Variants in BPTF observed in about 807,000 individuals in gnomAD.
BPTF encodes the protein nucleosome-remodeling factor subunit BPTF.
In BPTF, 18 loss-of-function variants were observed where a neutral mutation model predicts 292.5. The ratio of observed to expected loss-of-function variants is 0.06; its 90% CI spans 0.04 to 0.09. The LOEUF (loss-of-function observed/expected upper bound fraction) is 0.09. BPTF is among the 10% of genes least tolerant of loss of function. BPTF has a pLI of 1.00. For synonymous variants in BPTF, 1,225 were observed against 1,251.9 expected, an observed-to-expected ratio of 0.98 and a Z score of 0.45; for missense variants, 2,726 against 3,498.7, an observed-to-expected ratio of 0.78 and a Z score of 5.57.
intron 23 of BPTF, among the ~76,000 whole-genome samples, chr17:67,948,747 G>A (rs1027472934): frequency 6.6e-6 from 1 of 152,196 alleles, no homozygotes; most frequent in South Asian, 2.1e-4. Context: ...CAGCAGTTGG[G>A]GAGGCCAAGA....
intron 1 of BPTF, among the ~76,000 whole-genome samples, chr17:67,832,112 ACTCC>A (rs1226326671): frequency 4.6e-5 from 7 of 151,598 alleles, no homozygotes; most frequent in Non-Finnish European, 2.9e-5. Context: ...CTGGTCTCAA[ACTCC>A]TGACCTTGTG....
rs1599109317 is a variant in BPTF, at chr17:67,984,206, A to G, written c.*1918A>G. 1.3e-5 allele frequency: 2 copies of G among 152,600 alleles called. No homozygotes were observed. Among genetic ancestry groups the G allele is most frequent in the Non-Finnish European group, 2.9e-5 (2 of 68,044 alleles). 9.5% of individuals were successfully genotyped at this position (152,600 alleles called of 1,614,324 possible). A position where few individuals can be genotyped will look rare whatever the true frequency, so the allele number is the denominator to read the frequency against. On this transcript the variant is annotated 3_prime_UTR_variant, in exon 28 of 28. Coordinates refer to ENST00000306378, the MANE Select transcript of BPTF (RefSeq NM_182641.4). ...ATTTCTGTACTATTTATTCATATAT[A>G]TAAATATATATGGGCTTAATCATTT...
chr17:67,876,012 C>A (rs1555629596), intron 4 of BPTF, among the ~76,000 whole-genome samples: 1 of 152,108 alleles, frequency 6.6e-6, no homozygotes, highest in Non-Finnish European at 1.5e-5. Context: ...ATTTTATCAC[C>A]AGACCATAGT....
At chr17:67,921,391 T>C (rs2063428206) in intron 13 of BPTF, among the ~76,000 whole-genome samples, 1 of 151,628 alleles carries the variant, frequency 6.6e-6, no homozygotes, top group Non-Finnish European at 1.5e-5. Context: ...CCAGGTGTGG[T>C]GGTACACACG....
chr17:67,943,998 T>C lies in BPTF; in HGVS notation c.6478-152T>C, dbSNP rs76588593. 6.2e-3 allele frequency: 4,173 copies of C among 669,964 alleles called. 101 individuals are homozygous for C. The highest frequency in any genetic ancestry group is 0.056 in the African/African-American group (3,078 of 54,902). 41.5% of individuals were successfully genotyped at this position (669,964 alleles called of 1,614,324 possible). A position where few individuals can be genotyped will look rare whatever the true frequency, so the allele number is the denominator to read the frequency against. ...TCCTACTAAGCAACATAAATATTCT[T>C]ACTTTAGCTTATCTAAATTCCTGCT... is the stretch of plus-strand genomic sequence containing the variant. On this transcript the variant is annotated intron_variant, in intron 19 of 27. Coordinates refer to ENST00000306378, the MANE Select transcript of BPTF (RefSeq NM_182641.4).
intron 15 of BPTF, 122 bp downstream of exon 15, chr17:67,924,711 C>T: frequency 9.2e-7 from 1 of 1,084,074 alleles, no homozygotes; most frequent in Non-Finnish European, 1.4e-6. Flanking sequence ...AACATACATA[C>T]ATTTTTTAGC....
chr17:67,867,244 T>G (rs982818931), intron 3 of BPTF, among the ~76,000 whole-genome samples: 2 of 152,242 alleles, frequency 1.3e-5, no homozygotes, highest in African/African-American at 4.8e-5. Flanking sequence ...CATGTTAGTT[T>G]GTTTCTTTAA....
At chr17:67,868,227 G>GA (rs1322315599) in intron 3 of BPTF, among the ~76,000 whole-genome samples, 2 of 152,122 alleles carry the variant, frequency 1.3e-5, no homozygotes, top group Non-Finnish European at 2.9e-5. Flanking sequence ...TGTGAAAAAT[G>GA]AATCTCTCTC....
intron 1 of BPTF, among the ~76,000 whole-genome samples, chr17:67,835,533 G>A (rs763737582): frequency 2.6e-5 from 4 of 152,220 alleles, no homozygotes; most frequent in Non-Finnish European, 5.9e-5. Context: ...ATTTGTGTAT[G>A]TGATGGTATT....
chr17:67,844,070 C>CTT (rs35407119), intron 1 of BPTF, among the ~76,000 whole-genome samples: 11 of 94,352 alleles, frequency 1.2e-4, no homozygotes, highest in African/African-American at 2.2e-4. Context: ...CGGCCCCCGC[C>CTT]TTTTTTTTTT....
At chr17:67,850,197 A>AG (rs1163863807) in intron 1 of BPTF, among the ~76,000 whole-genome samples, 1 of 152,260 alleles carries the variant, frequency 6.6e-6, no homozygotes, top group Non-Finnish European at 1.5e-5. Context: ...ATTATATGCT[A>AG]GCCACTACTT....
At chr17:67,964,774 G>A (rs1178109851) in intron 25 of BPTF, among the ~76,000 whole-genome samples, 2 of 152,018 alleles carry the variant, frequency 1.3e-5, no homozygotes, top group East Asian at 3.9e-4. Context: ...GCCAAGGTGG[G>A]CGGATCACAA....
At chr17:67,872,846 CA>C (rs750395606) in intron 3 of BPTF, among the ~76,000 whole-genome samples, 73 of 152,190 alleles carry the variant, frequency 4.8e-4, no homozygotes, top group Non-Finnish European at 7.2e-4. Flanking sequence ...CCTGTAACCC[CA>C]GTGCTTTGGT....
intron 2 of BPTF, among the ~76,000 whole-genome samples, chr17:67,862,599 G>A (rs1048056811): frequency 6.6e-6 from 1 of 152,054 alleles, no homozygotes; most frequent in Non-Finnish European, 1.5e-5. Flanking sequence ...AAGAGCTTAG[G>A]ACCTAGCTTT....
chr17:67,976,704 A>AT (rs1568232623), intron 27 of BPTF, among the ~76,000 whole-genome samples: 6 of 139,764 alleles, frequency 4.3e-5, no homozygotes, highest in East Asian at 2.3e-4. Flanking sequence ...AAAAAAAAAA[A>AT]AAAAAAAAAA....
At position 67,982,398 on chromosome 17, in the gene BPTF, C is replaced by T. The variant is rs1947427361; in HGVS notation, c.*110C>T. 5.7e-6 allele frequency: 6 copies of T among 1,059,432 alleles called. No homozygotes were observed. The highest frequency in any genetic ancestry group is 8.3e-6 in the Non-Finnish European group (6 of 720,036). The allele number at this position is 1,059,432 out of a possible 1,614,324, so 65.6% of individuals were successfully genotyped here. A position where few individuals can be genotyped will look rare whatever the true frequency, so the allele number is the denominator to read the frequency against. ...TCAGGCTATCCTGACAAGACTTGAC[C>T]TAAACTTCGTTTTTATTGGTCATAA... On this transcript the variant is annotated 3_prime_UTR_variant, in exon 28 of 28. Coordinates refer to ENST00000306378, the MANE Select transcript of BPTF (RefSeq NM_182641.4).
chr17:67,880,993 C>CAT (rs2060365761), intron 4 of BPTF, among the ~76,000 whole-genome samples: 1 of 150,786 alleles, frequency 6.6e-6, no homozygotes, highest in Admixed American at 6.6e-5. Flanking sequence ...ATATATATTA[C>CAT]ATATATATAT....
intron 3 of BPTF, among the ~76,000 whole-genome samples, chr17:67,872,035 A>G (rs2059773240): frequency 6.6e-6 from 1 of 152,142 alleles, no homozygotes; most frequent in African/African-American, 2.4e-5. Flanking sequence ...CATGTTGGTC[A>G]GACTGGTCTC....
chr17:67,832,783 C>CTTTTTT (rs60751133), intron 1 of BPTF, among the ~76,000 whole-genome samples: 3 of 101,640 alleles, frequency 3.0e-5, no homozygotes, highest in African/African-American at 4.2e-5. Flanking sequence ...TGATTCGCCT[C>CTTTTTT]TTTTTTTTTT....
Sources: gnomAD v4.1 joint callset for allele counts (sites outside exome capture counted in the v4.1 genomes callset) on GRCh38, gnomAD v4.1.1 for gene constraint, MANE v1.5 for transcripts, NCBI Gene and HGNC (gene_info 2026-07-23, HGNC 2026-07-21) for gene names.